The following ARHGEF7 variants were observed in gnomAD, a reference collection of about 807,000 sequenced individuals.
ARHGEF7 encodes PAK-interacting exchange factor beta.
ARHGEF7 carries 33 observed loss-of-function variants against 109.8 expected under a neutral mutation model. That is an observed-to-expected ratio of 0.30 (90% CI 0.23 to 0.40). The LOEUF is 0.40. Among genes scored for constraint, ARHGEF7 ranks in the 10% least tolerant of loss-of-function variants. ARHGEF7 has a pLI of 1.00. For synonymous variants in ARHGEF7, 458 were observed against 424.6 expected (o/e 1.08, Z -0.97); for missense variants, 938 against 1,098.5 (o/e 0.85, Z 2.07).
In ARHGEF7 at chr13:111,210,944, G is replaced by A. The variant is rs192910653; in HGVS notation, c.468+942G>A. Among the ~76,000 whole-genome samples the A allele has an allele frequency of 5.9e-5, 9 of 152,300 alleles. No individual in the cohort carries two copies. In the East Asian group the frequency reaches 1.5e-3, roughly 26 times the overall value. On this transcript the variant is annotated intron_variant, in intron 4 of 21. Transcript: ENST00000646102. ...AATAAAAGTTAATTTAGATAGAGTC[G>A]TGATTTGTAGAGGGAAATAAATTAC...
chr13:111,122,033 A>G (rs2067233421), intron 1 of ARHGEF7, among the ~76,000 whole-genome samples: 1 of 152,208 alleles, frequency 6.6e-6, no homozygotes, highest in African/African-American at 2.4e-5. Context: ...GAGCCATCCA[A>G]ATCCAGGAAC....
chr13:111,204,372 A>G (rs1281065044), intron 2 of ARHGEF7, among the ~76,000 whole-genome samples: 1 of 152,134 alleles, frequency 6.6e-6, no homozygotes, highest in Admixed American at 6.5e-5. Flanking sequence ...TGTTATTGGC[A>G]CCTCTGAAAG....
chr13:111,167,528 C>G (rs1419975877), intron 2 of ARHGEF7, among the ~76,000 whole-genome samples: 4 of 152,186 alleles, frequency 2.6e-5, no homozygotes, highest in African/African-American at 9.7e-5. Context: ...TTGTATCACT[C>G]CTATCCCCCA....
intron 13 of ARHGEF7, among the ~76,000 whole-genome samples, 197 bp downstream of exon 13, chr13:111,277,870 A>G (rs1404931485): frequency 6.6e-6 from 1 of 152,238 alleles, no homozygotes; most frequent in African/African-American, 2.4e-5. Flanking sequence ...AATTTCAAAA[A>G]AGGAAAGAAG....
chr13:111,120,737 TAAAAG>T (rs1376948734), intron 1 of ARHGEF7, among the ~76,000 whole-genome samples: 4 of 152,124 alleles, frequency 2.6e-5, no homozygotes, highest in South Asian at 2.1e-4. Flanking sequence ...CTATACATCT[TAAAAG>T]AGAATAAGAT....
At chr13:111,300,492 A>G (rs1231608867) in intron 19 of ARHGEF7, among the ~76,000 whole-genome samples, 1 of 152,228 alleles carries the variant, frequency 6.6e-6, no homozygotes, top group Non-Finnish European at 1.5e-5. Context: ...GGGTTTCAAC[A>G]ATCCGTAATT....
chr13:111,277,022 G>A (rs918466233), intron 12 of ARHGEF7, among the ~76,000 whole-genome samples: 6 of 152,060 alleles, frequency 3.9e-5, no homozygotes, highest in African/African-American at 1.4e-4. Flanking sequence ...ATGTTTATGG[G>A]GTGGATGAAA....
At chr13:111,199,292 T>G (rs957205877) in intron 2 of ARHGEF7, among the ~76,000 whole-genome samples, 10 of 152,220 alleles carry the variant, frequency 6.6e-5, no homozygotes, top group Non-Finnish European at 1.3e-4. Flanking sequence ...TGGAACATAG[T>G]GTACTGAATG....
intron 21 of ARHGEF7, 104 bp downstream of exon 21, chr13:111,301,636 T>A: frequency 1.1e-6 from 1 of 921,366 alleles, no homozygotes; most frequent in Non-Finnish European, 1.7e-6. Flanking sequence ...CTCACACCTA[T>A]AATCCCAGCA....
At chr13:111,125,729 G>A (rs2067515184) in intron 1 of ARHGEF7, among the ~76,000 whole-genome samples, 1 of 152,208 alleles carries the variant, frequency 6.6e-6, no homozygotes, top group African/African-American at 2.4e-5. Flanking sequence ...CCAATGTCCT[G>A]TCCTTAAAGT....
At position 111,272,349 on chromosome 13, in the gene ARHGEF7, T is replaced by C. The variant is rs1376094585; in HGVS notation, c.1074-1465T>C. On this transcript the variant is annotated intron_variant, in intron 9 of 21. Transcript: ENST00000646102. This position sits in a 1 kb window ranked among gnomAD's most constrained non-coding sequence, Gnocchi z 5.2. ...TTTCCCCGGGAGCCCTTGATGGTTC[T>C]GGTGTCCCCGAGACCTCTGGCAGTA... 6.6e-6 allele frequency among the ~76,000 whole-genome samples: 1 copy of C among 152,228 alleles called. No individual in the cohort carries two copies. Among genetic ancestry groups the C allele is most frequent in the Non-Finnish European group, 1.5e-5 (1 of 68,034 alleles).
intron 9 of ARHGEF7, among the ~76,000 whole-genome samples, chr13:111,269,634 A>G (rs2091970570): frequency 6.6e-6 from 1 of 151,998 alleles, no homozygotes; most frequent in Admixed American, 6.5e-5. Flanking sequence ...TCGGGACAGC[A>G]GCCCCGGGGC....
chr13:111,210,246 G>A (rs2082332946), intron 4 of ARHGEF7, among the ~76,000 whole-genome samples: 1 of 152,184 alleles, frequency 6.6e-6, no homozygotes, highest in East Asian at 1.9e-4. Context: ...CAAGACTCAT[G>A]ACTCGATATC....
intron 19 of ARHGEF7, among the ~76,000 whole-genome samples, chr13:111,298,097 G>A (rs148971231): frequency 3.9e-5 from 6 of 152,366 alleles, no homozygotes; most frequent in East Asian, 3.9e-4. Flanking sequence ...TAAAATGTGC[G>A]ATGTTATCAG....
At chr13:111,234,872 A>G (rs1397554987) in intron 6 of ARHGEF7, among the ~76,000 whole-genome samples, 1 of 151,724 alleles carries the variant, frequency 6.6e-6, no homozygotes, top group Non-Finnish European at 1.5e-5. Context: ...CATCTCTCCT[A>G]GTGCTCTGCA....
chr13:111,178,809 G>C (rs1004546024), intron 2 of ARHGEF7, among the ~76,000 whole-genome samples: 12 of 152,230 alleles, frequency 7.9e-5, no homozygotes, highest in Admixed American at 6.5e-4. Flanking sequence ...CAGTGACTGA[G>C]ATCTTTAAGA....
chr13:111,271,328 G>T (rs2092128067), intron 9 of ARHGEF7, among the ~76,000 whole-genome samples: 1 of 152,182 alleles, frequency 6.6e-6, no homozygotes, highest in Non-Finnish European at 1.5e-5. Flanking sequence ...ACCCTCCTCA[G>T]TTCCCCACCC....
rs535139486 is a variant in ARHGEF7 at position 111,293,455 on chromosome 13, C to G, written c.2311+1161C>G. On this transcript the variant is annotated intron_variant, in intron 19 of 21. Coordinates refer to ENST00000646102, the MANE Select transcript of ARHGEF7 (RefSeq NM_001354046.2). ...CTTATTTAAAAAAAAAAAAAAAAAA[C>G]TCACCCGTTTTCCTGGGATTTGTTG... is the stretch of plus-strand genomic sequence containing the variant. 101 of 891,866 alleles carry G rather than the reference C, an allele frequency of 1.1e-4. 1 individual carries two copies. In the South Asian group the frequency reaches 4.7e-3, roughly 42 times the overall value. 55.2% of individuals were successfully genotyped at this position (891,866 alleles called of 1,614,324 possible).
chr13:111,150,871 T>C (rs144423252), intron 1 of ARHGEF7, among the ~76,000 whole-genome samples: 25 of 152,330 alleles, frequency 1.6e-4, no homozygotes, highest in Non-Finnish European at 3.2e-4. Flanking sequence ...TGGGGCATTA[T>C]CCAAAATTAA....
Sources: allele counts gnomAD v4.1 joint callset (sites outside exome capture counted in the v4.1 genomes callset), GRCh38; gene constraint gnomAD v4.1.1; non-coding constraint Gnocchi (gnomAD v3.1); transcripts MANE v1.5; gene names NCBI Gene and HGNC (gene_info 2026-07-23, HGNC 2026-07-21).